The following CHD7 variants were observed in gnomAD, a reference collection of about 807,000 sequenced individuals.
The protein encoded by CHD7 is ATP-dependent chromatin remodeler CHD7.
Under a neutral mutation model 307.3 loss-of-function variants are expected in CHD7, and 24 were observed. The observed-to-expected ratio is 0.08, with a 90% CI of 0.06 to 0.11. The LOEUF is 0.11. Among genes scored for constraint, CHD7 ranks in the 10% least tolerant of loss-of-function variants. The pLI is 1.00. For missense variants in CHD7, 3,106 were observed against 3,727.1 expected, an observed-to-expected ratio of 0.83 and a Z score of 4.34; for synonymous variants, 1,363 against 1,349.9, an observed-to-expected ratio of 1.01 and a Z score of -0.21.
rs1411916631 is a variant in CHD7 at position 60,866,316 on chromosome 8, T to C, written c.*383T>C. 1 of 153,838 alleles carries C rather than the reference T, an allele frequency of 6.5e-6. No individual in the cohort carries two copies. The highest frequency in any genetic ancestry group is 1.5e-5 in the Non-Finnish European group (1 of 68,906). 9.5% of individuals were successfully genotyped at this position (153,838 alleles called of 1,614,324 possible). On this transcript the variant is annotated 3_prime_UTR_variant, in exon 38 of 38. Transcript: ENST00000423902. ...GTATGAAGTTATATATTTAATTTTT[T>C]AATTTTAATTTTTAATTTTTTTGCT... is the stretch of plus-strand genomic sequence containing the variant.
At chr8:60,700,390 A>G (rs770198694) in intron 1 of CHD7, among the ~76,000 whole-genome samples, 2 of 152,186 alleles carry the variant, frequency 1.3e-5, no homozygotes, top group Non-Finnish European at 2.9e-5. Context: ...AGTTGATGCT[A>G]TGTTGAGAGT....
chr8:60,859,885 T>A (rs918387812), intron 34 of CHD7, among the ~76,000 whole-genome samples: 3 of 152,178 alleles, frequency 2.0e-5, no homozygotes, highest in Admixed American at 6.5e-5. Flanking sequence ...TGATGTGACA[T>A]AATTTTTTGA....
chr8:60,838,850 T>C (rs1304352077), intron 19 of CHD7, among the ~76,000 whole-genome samples: 2 of 152,256 alleles, frequency 1.3e-5, no homozygotes, highest in Non-Finnish European at 2.9e-5. Flanking sequence ...GAGCCCCTTC[T>C]GAGGTTTCAC....
chr8:60,693,234 A>G (rs1413833958), intron 1 of CHD7, among the ~76,000 whole-genome samples: 2 of 152,130 alleles, frequency 1.3e-5, no homozygotes, highest in East Asian at 3.9e-4. Flanking sequence ...CTAGGTCATT[A>G]TGGTCACTGT....
At chr8:60,805,081 C>A (rs1374297290) in intron 6 of CHD7, among the ~76,000 whole-genome samples, 2 of 152,088 alleles carry the variant, frequency 1.3e-5, no homozygotes, top group Non-Finnish European at 2.9e-5. Flanking sequence ...ATTGCCTATG[C>A]CTGTTGTAGA....
At chr8:60,838,020 T>A in intron 18 of CHD7, 56 bp from the exon 19 acceptor site, 1 of 1,366,450 alleles carries the variant, frequency 7.3e-7, no homozygotes, top group South Asian at 1.6e-5. Flanking sequence ...TTGTTTAGTC[T>A]GCAAACCTCT....
rs1013138710 is a variant in CHD7 at position 60,838,345 on chromosome 8, A to T, written c.4533+90A>T. 15 of 1,149,292 alleles carry T rather than the reference A, an allele frequency of 1.3e-5. No homozygotes were observed. In the African/African-American group the frequency reaches 2.3e-4, roughly 18 times the overall value. 71.2% of individuals were successfully genotyped at this position (1,149,292 alleles called of 1,614,324 possible). On this transcript the variant is annotated intron_variant, in intron 19 of 37. Transcript: ENST00000423902. ...CCTTGTAAAAGTGCTTACAAGATGC[A>T]TTGGGAATTAATCAAATTAATCATT... is the stretch of plus-strand genomic sequence containing the variant.
intron 2 of CHD7, among the ~76,000 whole-genome samples, chr8:60,761,470 T>C (rs1002140777): frequency 5.3e-5 from 8 of 152,048 alleles, no homozygotes; most frequent in Admixed American, 3.9e-4. Context: ...TGTGCACATG[T>C]ACCCTAAAAC....
chr8:60,774,853 C>T (rs187453875), intron 2 of CHD7, among the ~76,000 whole-genome samples: 9 of 152,296 alleles, frequency 5.9e-5, no homozygotes. Context: ...AACACCACAG[C>T]ATAGTGTTTT....
rs61411226 is a variant in CHD7, at chr8:60,726,607, C to A, written c.-174-14652C>A. 3.2e-3 allele frequency among the ~76,000 whole-genome samples: 492 copies of A among 152,270 alleles called. 3 individuals carry two copies. Among genetic ancestry groups the A allele is most frequent in the African/African-American group, 0.011 (466 of 41,560 alleles). ...ATTATATCACACAATCTAATTTGGC[C>A]TGATGAATTAAAGGTAGGTGGTATC... is the stretch of plus-strand genomic sequence containing the variant. On this transcript the variant is annotated intron_variant, in intron 1 of 37. Coordinates refer to ENST00000423902, the MANE Select transcript of CHD7 (RefSeq NM_017780.4).
chr8:60,857,789 C>G (rs1487765744), intron 34 of CHD7, among the ~76,000 whole-genome samples: 2 of 152,184 alleles, frequency 1.3e-5, no homozygotes, highest in Non-Finnish European at 2.9e-5. Flanking sequence ...TACACCATCC[C>G]TATTATTATT....
intron 21 of CHD7, among the ~76,000 whole-genome samples, chr8:60,843,503 A>T (rs1167766130): frequency 6.6e-6 from 1 of 152,176 alleles, no homozygotes; most frequent in Admixed American, 6.5e-5. Flanking sequence ...CTGAACACCT[A>T]TGTGCTAGGC....
intron 2 of CHD7, among the ~76,000 whole-genome samples, chr8:60,765,615 G>T (rs1810436110): frequency 1.3e-5 from 2 of 152,214 alleles, no homozygotes; most frequent in Non-Finnish European, 2.9e-5. Context: ...CACTAAATTG[G>T]GAAAGAGCAA....
At chr8:60,693,494 C>T (rs1806305969) in intron 1 of CHD7, among the ~76,000 whole-genome samples, 1 of 152,208 alleles carries the variant, frequency 6.6e-6, no homozygotes, top group South Asian at 2.1e-4. Flanking sequence ...TGCTGCTGAG[C>T]CCCAACAGTT....
At chr8:60,754,707 CTAAG>C (rs1226971375) in intron 2 of CHD7, among the ~76,000 whole-genome samples, 3 of 152,172 alleles carry the variant, frequency 2.0e-5, no homozygotes. Context: ...TAGCTGCTTT[CTAAG>C]TGTTTCTTTC....
At chr8:60,800,597 A>C (rs951375877) in intron 5 of CHD7, 72 bp downstream of exon 5, 10 of 1,443,274 alleles carry the variant, frequency 6.9e-6, no homozygotes, top group African/African-American at 2.8e-5. Context: ...CTGCAATCTG[A>C]GAAGTGCAGT....
intron 1 of CHD7, among the ~76,000 whole-genome samples, chr8:60,705,293 T>C (rs1251701257): frequency 1.3e-5 from 2 of 152,340 alleles, no homozygotes; most frequent in East Asian, 3.9e-4. Flanking sequence ...CAGTTAGCTA[T>C]CAGAGGGGCT....
At chr8:60,823,435 A>C (rs2150751673) in intron 12 of CHD7, among the ~76,000 whole-genome samples, 1 of 147,822 alleles carries the variant, frequency 6.8e-6, no homozygotes, top group Non-Finnish European at 1.5e-5. Context: ...AGATAGATAG[A>C]TAGATGTGTG....
chr8:60,833,751 A>G (rs1299163928), intron 15 of CHD7, among the ~76,000 whole-genome samples: 2 of 152,208 alleles, frequency 1.3e-5, no homozygotes, highest in Non-Finnish European at 2.9e-5. Flanking sequence ...GGTTGGCATG[A>G]CCTATTTCCA....
Sources: gnomAD v4.1 joint callset for allele counts (sites outside exome capture counted in the v4.1 genomes callset) on GRCh38, gnomAD v4.1.1 for gene constraint, MANE v1.5 for transcripts, NCBI Gene and HGNC (gene_info 2026-07-23, HGNC 2026-07-21) for gene names.